CCSER1: variants seen among roughly 807,000 people sequenced by gnomAD.
CCSER1 encodes serine-rich coiled-coil domain-containing protein 1.
CCSER1 carries 41 observed loss-of-function variants against 82.0 expected under a neutral mutation model. The ratio of observed to expected loss-of-function variants is 0.50; its 90% CI spans 0.39 to 0.65. CCSER1 has a LOEUF of 0.65. Among genes scored for constraint, CCSER1 ranks in the 30% least tolerant of loss-of-function variants. CCSER1 has a pLI of 0.00. For synonymous variants in CCSER1, 414 were observed against 383.9 expected (o/e 1.08, Z -0.92); for missense variants, 1,119 against 1,064.2 (o/e 1.05, Z -0.72).
chr4:90,403,208 C>A (rs984947470), intron 4 of CCSER1, among the ~76,000 whole-genome samples: 1 of 152,016 alleles, frequency 6.6e-6, no homozygotes. Context: ...TAATTAAAGA[C>A]CTCAGATTAG....
intron 9 of CCSER1, among the ~76,000 whole-genome samples, chr4:90,957,920 A>T (rs1733689618): frequency 6.6e-6 from 1 of 151,868 alleles, no homozygotes; most frequent in Non-Finnish European, 1.5e-5. Context: ...ATTCAAACTT[A>T]CACCTGCAGC....
At chr4:91,260,715 A>T (rs183786533) in intron 10 of CCSER1, among the ~76,000 whole-genome samples, 102 of 152,244 alleles carry the variant, frequency 6.7e-4, no homozygotes, top group Non-Finnish European at 1.1e-3. Context: ...ATTTTGCTAA[A>T]TGTTAGAACC....
intron 5 of CCSER1, among the ~76,000 whole-genome samples, chr4:90,542,700 G>A (rs1776258792): frequency 6.6e-6 from 1 of 152,074 alleles, no homozygotes; most frequent in Non-Finnish European, 1.5e-5. Flanking sequence ...CAAAATTAAA[G>A]TATAAATGTT....
At chr4:91,058,661 A>C (rs1743665906) in intron 9 of CCSER1, among the ~76,000 whole-genome samples, 2 of 152,072 alleles carry the variant, frequency 1.3e-5, no homozygotes, top group South Asian at 4.1e-4. Flanking sequence ...CTAACCACAG[A>C]AAGCACATTT....
intron 9 of CCSER1, among the ~76,000 whole-genome samples, chr4:91,039,837 A>G (rs2150574690): frequency 6.6e-6 from 1 of 152,278 alleles, no homozygotes; most frequent in Non-Finnish European, 1.5e-5. Context: ...CTATAAGGAC[A>G]GTTATTAAAG....
chr4:91,445,531 A>G (rs1755502398), intron 10 of CCSER1, among the ~76,000 whole-genome samples: 1 of 151,998 alleles, frequency 6.6e-6, no homozygotes, highest in Admixed American at 6.6e-5. Flanking sequence ...TAGAGATTAT[A>G]TATTTTTGAT....
chr4:91,410,360 T>C (rs1752949972), intron 10 of CCSER1, among the ~76,000 whole-genome samples: 1 of 152,176 alleles, frequency 6.6e-6, no homozygotes, highest in African/African-American at 2.4e-5. Context: ...TAGTATGAGC[T>C]GAGAAGGGAA....
chr4:91,403,156 A>G (rs1015158022), intron 10 of CCSER1, among the ~76,000 whole-genome samples: 1 of 152,186 alleles, frequency 6.6e-6, no homozygotes, highest in Non-Finnish European at 1.5e-5. Flanking sequence ...TCTTTGTAGC[A>G]ATTGTGAATG....
intron 5 of CCSER1, among the ~76,000 whole-genome samples, chr4:90,552,758 A>G (rs967309567): frequency 1.3e-5 from 2 of 152,200 alleles, no homozygotes; most frequent in African/African-American, 2.4e-5. Context: ...CGCACAGCCC[A>G]CAATTAAGCT....
At chr4:91,457,994 T>C (rs1213143420) in intron 10 of CCSER1, among the ~76,000 whole-genome samples, 1 of 152,196 alleles carries the variant, frequency 6.6e-6, no homozygotes, top group African/African-American at 2.4e-5. Context: ...AATAATGGCT[T>C]TATATAGTTA....
At chr4:90,271,890 T>TTTTTTAA (rs1553982851) in intron 1 of CCSER1, among the ~76,000 whole-genome samples, 3 of 70,116 alleles carry the variant, frequency 4.3e-5, no homozygotes, top group African/African-American at 1.6e-4. Context: ...TTTTTTTTTT[T>TTTTTTAA]AAAAGGAGGT....
At chr4:91,499,679 T>A (rs1460456593) in intron 10 of CCSER1, among the ~76,000 whole-genome samples, 3 of 151,964 alleles carry the variant, frequency 2.0e-5, no homozygotes, top group Non-Finnish European at 2.9e-5. Flanking sequence ...TTTTACTGTT[T>A]CTATAGTTTT....
intron 1 of CCSER1, among the ~76,000 whole-genome samples, chr4:90,171,594 TC>T (rs1731680221): frequency 6.6e-6 from 1 of 151,956 alleles, no homozygotes; most frequent in Non-Finnish European, 1.5e-5. Context: ...AGAAACACAT[TC>T]CACTGTGTAA....
chr4:91,140,792 T>G (rs902028757), intron 10 of CCSER1, among the ~76,000 whole-genome samples: 3 of 152,148 alleles, frequency 2.0e-5, no homozygotes, highest in African/African-American at 4.8e-5. Context: ...TTCTTGTCTT[T>G]TCTTTTATTA....
intron 10 of CCSER1, among the ~76,000 whole-genome samples, chr4:91,337,567 C>T (rs1421986769): frequency 6.6e-6 from 1 of 151,988 alleles, no homozygotes; most frequent in East Asian, 1.9e-4. Context: ...TGACTGTGAC[C>T]TGTTTGTCTG....
chr4:90,979,340 G>T (rs1735899666), intron 9 of CCSER1, among the ~76,000 whole-genome samples: 1 of 151,382 alleles, frequency 6.6e-6, no homozygotes, highest in African/African-American at 2.4e-5. Context: ...CATGTATTGA[G>T]AATGGCTTTA....
intron 7 of CCSER1, among the ~76,000 whole-genome samples, chr4:90,741,096 G>T (rs1746491070): frequency 6.6e-6 from 1 of 152,104 alleles, no homozygotes; most frequent in Non-Finnish European, 1.5e-5. Flanking sequence ...TACAGAACAT[G>T]GGAAGAGTTC....
intron 9 of CCSER1, among the ~76,000 whole-genome samples, chr4:90,958,265 T>C (rs986516510): frequency 1.6e-4 from 25 of 152,212 alleles, no homozygotes; most frequent in Admixed American, 1.3e-3. Context: ...GTTTCTACTA[T>C]ACCAACTGTG....
At chr4:91,217,069 T>C (rs1201179559) in intron 10 of CCSER1, among the ~76,000 whole-genome samples, 2 of 152,108 alleles carry the variant, frequency 1.3e-5, no homozygotes, top group Non-Finnish European at 2.9e-5. Context: ...TCAGATGTGT[T>C]CGTAGTTTCT....
Sources: gnomAD v4.1 joint callset for allele counts (sites outside exome capture counted in the v4.1 genomes callset) on GRCh38, gnomAD v4.1.1 for gene constraint, MANE v1.5 for transcripts, NCBI Gene and HGNC (gene_info 2026-07-23, HGNC 2026-07-21) for gene names.